The following BTBD9 variants were observed in gnomAD, a reference collection of about 807,000 sequenced individuals.
BTBD9 encodes BTB domain containing 9.
A neutral mutation model predicts 64.3 loss-of-function variants in BTBD9; 49 were observed. That is an observed-to-expected ratio of 0.76 (90% CI 0.61 to 0.97). The LOEUF (loss-of-function observed/expected upper bound fraction) is 0.97. BTBD9 is among the 50% of genes least tolerant of loss of function. The probability of loss-of-function intolerance (pLI) is 0.00; values close to 1 mark genes in which losing one functional copy is unlikely to be tolerated. For missense variants in BTBD9, 598 were observed against 762.1 expected, an observed-to-expected ratio of 0.78 and a Z score of 2.53; for synonymous variants, 260 against 274.7, an observed-to-expected ratio of 0.95 and a Z score of 0.53.
intron 10 of BTBD9, chr6:38,179,264 C>T (rs1312829010): frequency 2.9e-6 from 1 of 347,506 alleles, no homozygotes; most frequent in African/African-American, 2.1e-5. Flanking sequence ...TAGATGACAA[C>T]AAACCTTTAA....
In BTBD9 at chr6:38,592,709, T is replaced by C. The variant is rs749191462; in HGVS notation, c.681A>G (p.Leu227=). ...GAAGCTCTGTGAGGCTCATGAGAGG[T>C]AAACGCACAGCCTGCATGATTTCAG... ...NHAEIMQAVR[L]PLMSLTELLN... Residue 227 remains leucine (L), a synonymous_variant, in exon 4 of 11, where the codon TTA becomes TTG. Transcript: ENST00000481247. The C allele has an allele frequency of 6.2e-7, 1 of 1,614,126 alleles. No homozygotes were observed. The highest frequency in any genetic ancestry group is 8.5e-7 in the Non-Finnish European group (1 of 1,180,014).
Position 38,174,193 on chromosome 6 carries a change from G to A in BTBD9, c.*792C>T, listed in dbSNP as rs1766903583. The A allele has an allele frequency of 6.6e-6, 1 of 152,244 alleles. No homozygotes were observed. Among genetic ancestry groups the A allele is most frequent in the African/African-American group, 2.4e-5 (1 of 41,450 alleles). 9.4% of individuals were successfully genotyped at this position (152,244 alleles called of 1,614,324 possible). On this transcript the variant is annotated 3_prime_UTR_variant, in exon 11 of 11. Coordinates refer to ENST00000481247, the MANE Select transcript of BTBD9 (RefSeq NM_001099272.2). Reference sequence around the variant, plus strand: ...AACTATTTCCTTGTCAGCCTCCCAAGCTTAAAGGCTGGATCCATGTCAGGA... The same window carrying A: ...AACTATTTCCTTGTCAGCCTCCCAAACTTAAAGGCTGGATCCATGTCAGGA...
At position 38,592,830 on chromosome 6, in the gene BTBD9, A is replaced by G. The variant is rs747555646; in HGVS notation, c.560T>C (p.Leu187Ser). ...AAATGAGTCTCTTAACACGATGTTT[A>G]AAAGTGCTGTCTGAAAAGGATAAAA... Reference protein sequence around the residue: ...GFLSLSKTALLNIVLRDSFAA... With the variant: ...GFLSLSKTALSNIVLRDSFAA... The change falls in exon 4 of 11, where the codon TTA (leucine) becomes TCA (serine). Residue 187 changes from leucine (L) to serine (S), a missense_variant. Coordinates refer to ENST00000481247, the MANE Select transcript of BTBD9 (RefSeq NM_001099272.2). The G allele has an allele frequency of 6.2e-7, 1 of 1,613,956 alleles. No homozygotes were observed. Among genetic ancestry groups the G allele is most frequent in the Non-Finnish European group, 8.5e-7 (1 of 1,179,848 alleles).
chr6:38,580,807 T>C (rs568083358), intron 4 of BTBD9, among the ~76,000 whole-genome samples: 2 of 152,316 alleles, frequency 1.3e-5, no homozygotes, highest in South Asian at 4.2e-4. Context: ...TTGAGACTAA[T>C]GTTATTTTTC....
intron 6 of BTBD9, among the ~76,000 whole-genome samples, chr6:38,376,463 T>C (rs1303984925): frequency 6.6e-6 from 1 of 152,166 alleles, no homozygotes; most frequent in African/African-American, 2.4e-5. Context: ...CTATGTGATC[T>C]CAATACCACC....
intron 6 of BTBD9, among the ~76,000 whole-genome samples, chr6:38,346,007 A>AC (rs1764263289): frequency 6.6e-6 from 1 of 152,202 alleles, no homozygotes; most frequent in Non-Finnish European, 1.5e-5. Flanking sequence ...TCAAAGTAAG[A>AC]ACCAGGAAAA....
At chr6:38,550,395 C>T (rs1774745460) in intron 6 of BTBD9, among the ~76,000 whole-genome samples, 1 of 151,046 alleles carries the variant, frequency 6.6e-6, no homozygotes, top group Non-Finnish European at 1.5e-5. Flanking sequence ...CGGCTCACTG[C>T]AACCTATGCC....
At chr6:38,204,940 C>A (rs371107673) in intron 9 of BTBD9, among the ~76,000 whole-genome samples, 1 of 151,940 alleles carries the variant, frequency 6.6e-6, no homozygotes, top group African/African-American at 2.4e-5. Flanking sequence ...ATTTAGTGAA[C>A]AAGAAAGTGC....
At chr6:38,400,824 T>G (rs1375211923) in intron 6 of BTBD9, among the ~76,000 whole-genome samples, 5 of 152,242 alleles carry the variant, frequency 3.3e-5, no homozygotes, top group Non-Finnish European at 7.3e-5. Context: ...ATTTTGTGCC[T>G]GGTCTAGGTT....
Position 38,322,701 on chromosome 6 carries a change from T to C in BTBD9, c.1264+22283A>G, listed in dbSNP as rs558400374. Among the ~76,000 whole-genome samples, 13 of 152,330 alleles carry C rather than the reference T, an allele frequency of 8.5e-5. No homozygotes were observed. The East Asian group carries it at 2.1e-3, about 25-fold the overall frequency. On this transcript the variant is annotated intron_variant, in intron 7 of 10. Coordinates refer to ENST00000481247, the MANE Select transcript of BTBD9 (RefSeq NM_001099272.2). Reference sequence around the variant, plus strand: ...TTTTATAACTCACTTCACATTAACTTTGAAATGTCAAAAGCAGGCAGTTAA... The same window carrying C: ...TTTTATAACTCACTTCACATTAACTCTGAAATGTCAAAAGCAGGCAGTTAA...
intron 10 of BTBD9, among the ~76,000 whole-genome samples, chr6:38,187,684 T>C (rs1290943042): frequency 6.6e-6 from 1 of 152,032 alleles, no homozygotes; most frequent in Non-Finnish European, 1.5e-5. Flanking sequence ...ATAAGGATGA[T>C]GCTGAGTACA....
intron 2 of BTBD9, 77 bp downstream of exon 2, chr6:38,597,833 A>G (rs1562398495): frequency 8.1e-6 from 10 of 1,234,034 alleles, no homozygotes; most frequent in Admixed American, 8.1e-5. Flanking sequence ...ACTTGGTTAT[A>G]TATTTTTCAT....
chr6:38,572,197 T>C (rs1253224802), intron 6 of BTBD9, among the ~76,000 whole-genome samples: 1 of 152,198 alleles, frequency 6.6e-6, no homozygotes, highest in East Asian at 1.9e-4. Context: ...TTTTAATCTG[T>C]TTCTCCCAAA....
chr6:38,588,326 C>A, intron 4 of BTBD9: 1 of 981,082 alleles, frequency 1.0e-6, no homozygotes, highest in Non-Finnish European at 1.7e-6. Flanking sequence ...ATTTATACTA[C>A]CCAAACTTTT....
intron 6 of BTBD9, among the ~76,000 whole-genome samples, chr6:38,521,183 C>A (rs1198689577): frequency 6.6e-6 from 1 of 151,412 alleles, no homozygotes; most frequent in Non-Finnish European, 1.5e-5. Context: ...CAGTTCAAAT[C>A]GCCACTCTGC....
chr6:38,387,655 A>G (rs868654459), intron 6 of BTBD9, among the ~76,000 whole-genome samples: 2 of 152,238 alleles, frequency 1.3e-5, no homozygotes, highest in Non-Finnish European at 2.9e-5. Flanking sequence ...TCAGTATGAC[A>G]GACACTGTGA....
intron 6 of BTBD9, among the ~76,000 whole-genome samples, chr6:38,434,221 A>C (rs1768597720): frequency 6.6e-6 from 1 of 152,008 alleles, no homozygotes; most frequent in East Asian, 1.9e-4. Context: ...TTTTTCTTCC[A>C]GTTTCTCCCA....
chr6:38,577,514 C>G, intron 6 of BTBD9, 86 bp downstream of exon 6: 1 of 1,361,248 alleles, frequency 7.3e-7, no homozygotes, highest in South Asian at 1.4e-5. Flanking sequence ...ACTCTTTTTT[C>G]AAGATGAAAA....
intron 6 of BTBD9, among the ~76,000 whole-genome samples, chr6:38,394,984 G>A (rs1211749970): frequency 6.6e-6 from 1 of 151,598 alleles, no homozygotes; most frequent in Non-Finnish European, 1.5e-5. Context: ...AAAGAAAAAA[G>A]AGACTGTGAT....
Sources: allele counts gnomAD v4.1 joint callset (sites outside exome capture counted in the v4.1 genomes callset), GRCh38; gene constraint gnomAD v4.1.1; transcripts MANE v1.5; gene names NCBI Gene and HGNC (gene_info 2026-07-23, HGNC 2026-07-21).